SGCZ: variants seen among roughly 807,000 people sequenced by gnomAD.
SGCZ encodes sarcoglycan zeta, also known as zeta-sarcoglycan.
SGCZ carries 40 observed loss-of-function variants against 41.3 expected under a neutral mutation model. The ratio of observed to expected loss-of-function variants is 0.97; its 90% CI spans 0.75 to 1.26. The LOEUF (loss-of-function observed/expected upper bound fraction) is 1.26, where lower values mean the gene tolerates loss of function less well. SGCZ is among the 50% of genes most tolerant of loss of function. The probability of loss-of-function intolerance (pLI) is 0.00; values close to 1 mark genes in which losing one functional copy is unlikely to be tolerated. For synonymous variants in SGCZ, 206 were observed against 137.5 expected (o/e 1.50, Z -3.49); for missense variants, 552 against 369.8 (o/e 1.49, Z -4.04).
At chr8:15,080,161 A>T (rs1160982146) in intron 1 of SGCZ, among the ~76,000 whole-genome samples, 1 of 152,148 alleles carries the variant, frequency 6.6e-6, no homozygotes, top group African/African-American at 2.4e-5. Context: ...AGAGGGAGTG[A>T]CTTCTGGCCT....
At chr8:14,535,413 G>GA (rs1422562482) in intron 2 of SGCZ, among the ~76,000 whole-genome samples, 2 of 151,630 alleles carry the variant, frequency 1.3e-5, no homozygotes, top group Admixed American at 6.6e-5. Context: ...GCCATAATAA[G>GA]AAAAAAGGTT....
chr8:14,690,226 G>A (rs1046291020), intron 1 of SGCZ, among the ~76,000 whole-genome samples: 10 of 151,500 alleles, frequency 6.6e-5, no homozygotes, highest in East Asian at 1.9e-4. Context: ...TGCCTATTAC[G>A]GTCTGAAATA....
intron 2 of SGCZ, among the ~76,000 whole-genome samples, chr8:14,419,471 A>T (rs1236670816): frequency 1.3e-5 from 2 of 151,728 alleles, no homozygotes; most frequent in African/African-American, 4.8e-5. Flanking sequence ...CCTCTATGAG[A>T]TTTTTTGTCT....
At chr8:14,431,082 T>C (rs1329454569) in intron 2 of SGCZ, among the ~76,000 whole-genome samples, 1 of 152,038 alleles carries the variant, frequency 6.6e-6, no homozygotes, top group Non-Finnish European at 1.5e-5. Context: ...CATGGATGAG[T>C]AGAATCAATA....
At chr8:14,661,105 T>C (rs1563185743) in intron 1 of SGCZ, among the ~76,000 whole-genome samples, 2 of 152,306 alleles carry the variant, frequency 1.3e-5, no homozygotes, top group South Asian at 4.1e-4. Context: ...ATTCTCTTTC[T>C]AGAAATGCAT....
chr8:14,848,244 T>C (rs1037741672), intron 1 of SGCZ, among the ~76,000 whole-genome samples: 1 of 152,204 alleles, frequency 6.6e-6, no homozygotes. Context: ...CTGGTGTTAA[T>C]GGGTAGGAAA....
chr8:14,335,600 C>G (rs959549331), intron 2 of SGCZ, among the ~76,000 whole-genome samples: 1 of 152,126 alleles, frequency 6.6e-6, no homozygotes, highest in Non-Finnish European at 1.5e-5. Flanking sequence ...TTAGCTAAAT[C>G]AAGCTCCTGC....
intron 2 of SGCZ, among the ~76,000 whole-genome samples, chr8:14,437,063 A>T (rs535200535): frequency 5.4e-4 from 82 of 152,258 alleles, no homozygotes; most frequent in African/African-American, 1.9e-3. Context: ...TTCAAATGAG[A>T]CTTTTGGTGA....
At position 15,123,114 on chromosome 8, in the gene SGCZ, T is replaced by A. The variant is rs569063010; in HGVS notation, c.39+114471A>T. Among the ~76,000 whole-genome samples, 18 of 152,320 alleles carry A rather than the reference T, an allele frequency of 1.2e-4. No homozygotes were observed. In the South Asian group the frequency reaches 3.7e-3, roughly 32 times the overall value. Reference sequence around the variant, plus strand: ...GTGAAGCTTTAATGCTCTTCTGCTGTTATAAAGGGCTCACCGTCATGACAC... The same window carrying A: ...GTGAAGCTTTAATGCTCTTCTGCTGATATAAAGGGCTCACCGTCATGACAC... On this transcript the variant is annotated intron_variant, in intron 1 of 7. Transcript: ENST00000382080.
chr8:14,797,418 G>A (rs1208655412), intron 1 of SGCZ, among the ~76,000 whole-genome samples: 2 of 152,120 alleles, frequency 1.3e-5, no homozygotes, highest in East Asian at 3.9e-4. Context: ...AGAGACTGGA[G>A]GCATTTTGGC....
intron 1 of SGCZ, among the ~76,000 whole-genome samples, chr8:14,900,783 T>C (rs1259970619): frequency 6.6e-6 from 1 of 152,222 alleles, no homozygotes; most frequent in Non-Finnish European, 1.5e-5. Flanking sequence ...TTGACTATTA[T>C]CTACAATTCC....
intron 2 of SGCZ, among the ~76,000 whole-genome samples, chr8:14,517,536 G>A (rs1802659169): frequency 6.6e-6 from 1 of 151,926 alleles, no homozygotes; most frequent in South Asian, 2.1e-4. Flanking sequence ...TTAAATCTAT[G>A]TTTGCAAGAA....
Position 14,265,652 on chromosome 8 carries a change from G to A in SGCZ, c.337-27973C>T, listed in dbSNP as rs569893195. Among the ~76,000 whole-genome samples the A allele has an allele frequency of 8.6e-5, 13 of 151,814 alleles. No individual in the cohort carries two copies. The South Asian group carries it at 2.1e-3, about 24-fold the overall frequency. On this transcript the variant is annotated intron_variant, in intron 3 of 7. Transcript: ENST00000382080. ...AATTAAATACTCATTTAATAAGGAT[G>A]CAAACTGCACCCTTTGTTTCCCTAA...
chr8:14,729,710 T>A (rs557799759), intron 1 of SGCZ, among the ~76,000 whole-genome samples: 20 of 152,292 alleles, frequency 1.3e-4, no homozygotes, highest in African/African-American at 4.1e-4. Flanking sequence ...TCTCTAGAAA[T>A]TTATTATGGC....
At chr8:14,759,615 T>C (rs1386816649) in intron 1 of SGCZ, among the ~76,000 whole-genome samples, 2 of 152,178 alleles carry the variant, frequency 1.3e-5, no homozygotes, top group African/African-American at 2.4e-5. Context: ...ATTACTGGAC[T>C]TGATTACCTT....
intron 2 of SGCZ, among the ~76,000 whole-genome samples, chr8:14,477,688 T>G (rs1801400681): frequency 6.6e-6 from 1 of 152,208 alleles, no homozygotes; most frequent in Admixed American, 6.5e-5. Flanking sequence ...CATAAATTTT[T>G]TGAAGTGTTC....
chr8:14,778,139 G>A (rs1372257967), intron 1 of SGCZ, among the ~76,000 whole-genome samples: 1 of 151,940 alleles, frequency 6.6e-6, no homozygotes, highest in Non-Finnish European at 1.5e-5. Context: ...GATTGTCCCG[G>A]CTAGTCTCAA....
At chr8:14,431,551 A>C (rs1246040787) in intron 2 of SGCZ, among the ~76,000 whole-genome samples, 1 of 152,252 alleles carries the variant, frequency 6.6e-6, no homozygotes, top group East Asian at 1.9e-4. Context: ...AAGATGGATC[A>C]AGAACTTCCA....
intron 2 of SGCZ, among the ~76,000 whole-genome samples, chr8:14,366,633 A>T (rs957302412): frequency 2.6e-5 from 4 of 152,052 alleles, no homozygotes; most frequent in African/African-American, 9.7e-5. Flanking sequence ...GCATTCACAC[A>T]AACTCCATAG....
Sources: allele counts gnomAD v4.1 joint callset (sites outside exome capture counted in the v4.1 genomes callset), GRCh38; gene constraint gnomAD v4.1.1; transcripts MANE v1.5; gene names NCBI Gene and HGNC (gene_info 2026-07-23, HGNC 2026-07-21).